The following ZNF341 variants were observed in gnomAD, a reference collection of about 807,000 sequenced individuals.
The protein encoded by ZNF341 is zinc finger protein 341.
In ZNF341, 52 loss-of-function variants were observed where a neutral mutation model predicts 87.7. That is an observed-to-expected ratio of 0.59 (90% CI 0.47 to 0.75). The LOEUF (loss-of-function observed/expected upper bound fraction) is 0.75. ZNF341 is among the 30% of genes least tolerant of loss of function. ZNF341 has a pLI of 0.00. For synonymous variants in ZNF341, 459 were observed against 472.7 expected, an observed-to-expected ratio of 0.97 and a Z score of 0.38; for missense variants, 977 against 1,145.9, an observed-to-expected ratio of 0.85 and a Z score of 2.13.
At chr20:33,740,492 C>T (rs963189374) in intron 1 of ZNF341, among the ~76,000 whole-genome samples, 9 of 152,156 alleles carry the variant, frequency 5.9e-5, no homozygotes, top group African/African-American at 2.2e-4. Flanking sequence ...GCCGGCCATC[C>T]TTGCCATGGG....
chr20:33,787,171 T>G (rs2019885125), intron 12 of ZNF341: 1 of 152,164 alleles, frequency 6.6e-6, no homozygotes, highest in Non-Finnish European at 1.5e-5. Context: ...CATCTTCAGT[T>G]TATTTACAGA....
chr20:33,791,466 G>C lies in ZNF341; in HGVS notation c.2514G>C (p.Glu838Asp). Reference protein sequence around the residue: ...LALAELQAGAEGPCAMLAVPV... With the variant: ...LALAELQAGADGPCAMLAVPV... ...TGGCGGAGCTGCAGGCTGGGGCCGAGGGCCCATGTGCCATGCTCGCTGTGC... is the reference window on the plus strand; with the variant it reads ...TGGCGGAGCTGCAGGCTGGGGCCGACGGCCCATGTGCCATGCTCGCTGTGC... Residue 838 changes from glutamate (E) to aspartate (D), a missense_variant, in exon 15 of 15, where the codon GAG (glutamate) becomes GAC (aspartate). By Grantham distance (45) the Glu-to-Asp change is conservative (BLOSUM62 2). This residue lies in a region of ZNF341 where 221 missense variants were observed against 212.7 expected (regional missense o/e 1.04). Transcript: ENST00000375200. The C allele has an allele frequency of 6.2e-7, 1 of 1,600,238 alleles. No individual in the cohort carries two copies. The highest frequency in any genetic ancestry group is 8.5e-7 in the Non-Finnish European group (1 of 1,176,558).
intron 8 of ZNF341, among the ~76,000 whole-genome samples, chr20:33,766,192 C>T (rs1397989810): frequency 6.7e-6 from 1 of 150,198 alleles, no homozygotes; most frequent in Non-Finnish European, 1.5e-5. Flanking sequence ...GTGATGATTA[C>T]AATTATTATT....
chr20:33,786,525 G>A (rs1460528144), intron 12 of ZNF341, among the ~76,000 whole-genome samples: 2 of 152,086 alleles, frequency 1.3e-5, no homozygotes, highest in South Asian at 2.1e-4. Context: ...ATGTACTTAT[G>A]CCACTGAACT....
chr20:33,748,421 A>T (rs1297022803), intron 3 of ZNF341, among the ~76,000 whole-genome samples: 1 of 152,034 alleles, frequency 6.6e-6, no homozygotes, highest in Non-Finnish European at 1.5e-5. Context: ...TTGCAGAGGG[A>T]TGTGAGTTAT....
chr20:33,772,754 G>T (rs1365947758), intron 10 of ZNF341, among the ~76,000 whole-genome samples: 1 of 152,144 alleles, frequency 6.6e-6, no homozygotes, highest in Non-Finnish European at 1.5e-5. Flanking sequence ...GCGGGAGGGA[G>T]ATGTTTAGAT....
intron 3 of ZNF341, 93 bp from the exon 4 acceptor site, chr20:33,748,830 C>T: frequency 2.3e-6 from 3 of 1,303,184 alleles, no homozygotes; most frequent in Non-Finnish European, 3.2e-6. Context: ...ACTTACAGAG[C>T]CTGACATGTC....
intron 9 of ZNF341, 24 bp from the exon 10 acceptor site, chr20:33,770,060 A>C (rs764875915): frequency 5.8e-5 from 92 of 1,591,948 alleles, no homozygotes; most frequent in Non-Finnish European, 7.9e-5. Context: ...GCCTCCTGTC[A>C]CCTGCCCAGC....
chr20:33,781,359 A>G lies in ZNF341; in HGVS notation c.1691A>G (p.His564Arg). ...ALEHHLQTATHNFPCPHCQKV... is the reference protein window; with the variant it reads ...ALEHHLQTATRNFPCPHCQKV... ...GAGCACCACCTGCAGACCGCCACTC[A>G]CAACTTCCCCTGCCCACACTGCCAG... The change falls in exon 11 of 15, where the codon CAC (histidine) becomes CGC (arginine). Residue 564 changes from histidine (H) to arginine (R), a missense_variant. Coordinates refer to ENST00000375200, the MANE Select transcript of ZNF341 (RefSeq NM_001282933.2). 1 of 1,614,100 alleles carries G rather than the reference A, an allele frequency of 6.2e-7. No individual in the cohort carries two copies. The highest frequency in any genetic ancestry group is 8.5e-7 in the Non-Finnish European group (1 of 1,179,998).
At chr20:33,750,625 T>G (rs2019035162) in intron 4 of ZNF341, among the ~76,000 whole-genome samples, 1 of 144,210 alleles carries the variant, frequency 6.9e-6, no homozygotes, top group Non-Finnish European at 1.5e-5. Flanking sequence ...CCAACATACT[T>G]GGCTAATTTT....
chr20:33,737,617 A>T (rs2122628214), intron 1 of ZNF341, among the ~76,000 whole-genome samples: 1 of 152,212 alleles, frequency 6.6e-6, no homozygotes, highest in East Asian at 1.9e-4. Flanking sequence ...CACCATGCCC[A>T]GCCAGACACT....
rs764929827 is a variant in ZNF341, at chr20:33,767,018, A to G, written c.1390A>G (p.Met464Val). 1.2e-6 allele frequency: 2 copies of G among 1,613,726 alleles called. No homozygotes were observed. Among genetic ancestry groups the G allele is most frequent in the South Asian group, 2.2e-5 (2 of 91,032 alleles). ...CACCTACTTCCAGCTCAAGTCTCAC[A>G]TGACCCAGCATAAGAATGAGCAGGT... is the stretch of plus-strand genomic sequence containing the variant. ...FSTYFQLKSH[M>V]TQHKNEQVYK... The change falls in exon 9 of 15, where the codon ATG becomes GTG. Residue 464 changes from methionine to valine, a missense_variant. Met to Val is a conservative substitution (Grantham distance 21). This residue lies in a region of ZNF341 where 241 missense variants were observed against 335.0 expected (regional missense o/e 0.72). Coordinates refer to ENST00000375200, the MANE Select transcript of ZNF341 (RefSeq NM_001282933.2).
chr20:33,783,815 G>A lies in ZNF341; in HGVS notation c.1803G>A (p.Lys601=). 6.2e-7 allele frequency: 1 copy of A among 1,613,778 alleles called. No homozygotes were observed. Among genetic ancestry groups the A allele is most frequent in the East Asian group, 2.2e-5 (1 of 44,872 alleles). ...GGRFKCQVCK[K]FFRREHYLKL... ...GGTTCAAGTGCCAAGTGTGCAAGAAGTTCTTCCGGCGGGAGCATTATCTCA... is the reference window on the plus strand; with the variant it reads ...GGTTCAAGTGCCAAGTGTGCAAGAAATTCTTCCGGCGGGAGCATTATCTCA... The change falls in exon 12 of 15, where the codon AAG becomes AAA. Residue 601 remains lysine (K), a synonymous_variant. Transcript: ENST00000375200.
At chr20:33,734,502 T>G (rs1188784869) in intron 1 of ZNF341, among the ~76,000 whole-genome samples, 2 of 151,554 alleles carry the variant, frequency 1.3e-5, no homozygotes, top group African/African-American at 4.9e-5. Flanking sequence ...TTATTTGAGA[T>G]GTATTGGGGA....
intron 7 of ZNF341, among the ~76,000 whole-genome samples, chr20:33,761,488 T>C (rs188259289): frequency 6.6e-6 from 1 of 152,340 alleles, no homozygotes; most frequent in Non-Finnish European, 1.5e-5. Flanking sequence ...GGTCTCGAAC[T>C]CCTGACCTCA....
chr20:33,746,313 A>G (rs1380383802), intron 3 of ZNF341, among the ~76,000 whole-genome samples: 3 of 139,634 alleles, frequency 2.1e-5, no homozygotes, highest in Non-Finnish European at 4.5e-5. Context: ...GGCTCACTGC[A>G]ACCTCCGCCT....
At chr20:33,746,552 T>C (rs2018929584) in intron 3 of ZNF341, among the ~76,000 whole-genome samples, 1 of 151,914 alleles carries the variant, frequency 6.6e-6, no homozygotes, top group Non-Finnish European at 1.5e-5. Context: ...TTACTGAGAA[T>C]GACATGGGAG....
Position 33,757,369 on chromosome 20 carries a change from T to A in ZNF341, c.937+26T>A, listed in dbSNP as rs764675239. On this transcript the variant is annotated intron_variant, in intron 6 of 14. Transcript: ENST00000375200. The stretch of plus-strand genomic sequence containing the variant: ...GTGGGCCCCCAGCCTGCCATGGGCA[T>A]CTTTCCTCAACATTGGCCAATCCAC... 5 of 1,455,400 alleles carry A rather than the reference T, an allele frequency of 3.4e-6. No individual in the cohort carries two copies. The African/African-American group carries it at 5.8e-5, about 17-fold the overall frequency. The allele number at this position is 1,455,400 out of a possible 1,614,324, so 90.2% of individuals were successfully genotyped here.
In ZNF341 at chr20:33,789,573, A is replaced by G; in HGVS notation, c.2020A>G (p.Ile674Val). Residue 674 changes from isoleucine (I) to valine (V), a missense_variant, in exon 14 of 15, where the codon ATC becomes GTC. By Grantham distance (29) the Ile-to-Val change is conservative. Coordinates refer to ENST00000375200, the MANE Select transcript of ZNF341 (RefSeq NM_001282933.2). ...FNRPDKLKAH[I>V]LSHSGMKLHK... ...CCGGCCGGACAAGCTGAAGGCCCAC[A>G]TCCTCTCCCACTCTGGTAAGTGGCT... 3 of 1,613,972 alleles carry G rather than the reference A, an allele frequency of 1.9e-6. No homozygotes were observed. The highest frequency in any genetic ancestry group is 2.2e-5 in the South Asian group (2 of 91,082).
Sources: gnomAD v4.1 joint callset for allele counts (sites outside exome capture counted in the v4.1 genomes callset) on GRCh38, gnomAD v4.1.1 for gene constraint, gnomAD v4.1.1 regional missense constraint, MANE v1.5 for transcripts, NCBI Gene and HGNC (gene_info 2026-07-23, HGNC 2026-07-21) for gene names.